The following FREM2 variants were observed in gnomAD, a reference collection of about 807,000 sequenced individuals.
FREM2 encodes the protein FRAS1-related extracellular matrix protein 2.
Under a neutral mutation model 219.9 loss-of-function variants are expected in FREM2, and 119 were observed. That is an observed-to-expected ratio of 0.54 (90% CI 0.47 to 0.63). The LOEUF (loss-of-function observed/expected upper bound fraction) is 0.63. Among genes scored for constraint, FREM2 ranks in the 30% least tolerant of loss-of-function variants. The pLI is 0.00. For missense variants in FREM2, 4,030 were observed against 3,993.6 expected (o/e 1.01, Z -0.25); for synonymous variants, 1,562 against 1,522.8 (o/e 1.03, Z -0.60).
At chr13:38,785,989 A>G (rs1007043640) in intron 6 of FREM2, among the ~76,000 whole-genome samples, 1 of 152,228 alleles carries the variant, frequency 6.6e-6, no homozygotes, top group Admixed American at 6.5e-5. Flanking sequence ...TTAGACACAT[A>G]TAAAATATAG....
intron 2 of FREM2, among the ~76,000 whole-genome samples, chr13:38,723,897 C>T (rs1871401747): frequency 6.6e-6 from 1 of 152,166 alleles, no homozygotes; most frequent in African/African-American, 2.4e-5. Context: ...GGTTAGGAAA[C>T]AGTCACAGCT....
At chr13:38,804,913 A>G (rs1196435141) in intron 6 of FREM2, among the ~76,000 whole-genome samples, 1 of 152,174 alleles carries the variant, frequency 6.6e-6, no homozygotes. Context: ...TTTCCAGCCA[A>G]TAATTCCTGA....
chr13:38,768,032 GTC>G (rs1348885750), intron 3 of FREM2, among the ~76,000 whole-genome samples: 2 of 152,070 alleles, frequency 1.3e-5, no homozygotes, highest in African/African-American at 4.8e-5. Context: ...AAGAGTTTTT[GTC>G]TGTTTTGTTC....
chr13:38,765,006 G>T (rs9548448), intron 3 of FREM2, among the ~76,000 whole-genome samples: 2 of 151,866 alleles, frequency 1.3e-5, no homozygotes, highest in South Asian at 4.1e-4. Flanking sequence ...CGCCTCCCAG[G>T]TTCACGCCAT....
At chr13:38,754,318 G>A (rs1057280020) in intron 2 of FREM2, among the ~76,000 whole-genome samples, 3 of 152,156 alleles carry the variant, frequency 2.0e-5, no homozygotes, top group Non-Finnish European at 4.4e-5. Flanking sequence ...AATGAGAGCT[G>A]ATAGTAGAGG....
At chr13:38,786,904 C>T (rs1874353736) in intron 6 of FREM2, among the ~76,000 whole-genome samples, 1 of 152,156 alleles carries the variant, frequency 6.6e-6, no homozygotes, top group South Asian at 2.1e-4. Context: ...TAGTATACAG[C>T]AAAGTCAGTA....
intron 1 of FREM2, among the ~76,000 whole-genome samples, chr13:38,696,780 A>G (rs1473753274): frequency 6.6e-6 from 1 of 152,036 alleles, no homozygotes; most frequent in African/African-American, 2.4e-5. Context: ...CTGAGGCAAT[A>G]TAACTTTCTG....
chr13:38,843,221 T>C (rs1238776055), intron 6 of FREM2, among the ~76,000 whole-genome samples: 2 of 152,166 alleles, frequency 1.3e-5, no homozygotes. Flanking sequence ...TTGATCATCC[T>C]CTTATTCTAA....
At chr13:38,844,811 G>A (rs138440713) in intron 6 of FREM2, among the ~76,000 whole-genome samples, 8 of 152,278 alleles carry the variant, frequency 5.3e-5, no homozygotes, top group Non-Finnish European at 1.2e-4. Flanking sequence ...TGATAGTTAC[G>A]GAAGCCTTTT....
chr13:38,767,609 G>T (rs780128371), intron 3 of FREM2, among the ~76,000 whole-genome samples: 2 of 152,242 alleles, frequency 1.3e-5, no homozygotes, highest in Non-Finnish European at 2.9e-5. Flanking sequence ...ACTGGGGATA[G>T]ATGGGTCAGT....
chr13:38,873,863 A>C (rs1455742402), intron 17 of FREM2, among the ~76,000 whole-genome samples: 1 of 152,158 alleles, frequency 6.6e-6, no homozygotes, highest in African/African-American at 2.4e-5. Context: ...TTTCTATTTT[A>C]GAGCTATGTG....
intron 5 of FREM2, 33 bp from the exon 6 acceptor site, chr13:38,784,524 C>T: frequency 6.2e-7 from 1 of 1,611,958 alleles, no homozygotes; most frequent in Non-Finnish European, 8.5e-7. Flanking sequence ...TTATGTTCTA[C>T]ATAAAAATCT....
At chr13:38,754,980 G>A (rs1396095288) in intron 2 of FREM2, among the ~76,000 whole-genome samples, 2 of 151,422 alleles carry the variant, frequency 1.3e-5, no homozygotes, top group Non-Finnish European at 2.9e-5. Context: ...TCAGCTCACT[G>A]CAACCTCTGC....
intron 2 of FREM2, among the ~76,000 whole-genome samples, chr13:38,724,086 C>T (rs1336403277): frequency 6.6e-6 from 1 of 152,172 alleles, no homozygotes; most frequent in Non-Finnish European, 1.5e-5. Flanking sequence ...TCAGGTGACC[C>T]AGCATATCCA....
At chr13:38,789,999 C>G (rs1874495214) in intron 6 of FREM2, among the ~76,000 whole-genome samples, 1 of 152,028 alleles carries the variant, frequency 6.6e-6, no homozygotes. Flanking sequence ...CCTATACAAT[C>G]CTAGTTCAGG....
rs201096621 is a variant in FREM2, at chr13:38,769,686, G to A, written c.5519G>A (p.Arg1840Gln). ...PGQTRATWRVRILSDGEHEQS... is the reference protein window; with the variant it reads ...PGQTRATWRVQILSDGEHEQS... Reference sequence around the variant, plus strand: ...CAGACCAGGGCCACATGGCGAGTGCGGATCCTGAGTGATGGGGAGCATGAG... The same window carrying A: ...CAGACCAGGGCCACATGGCGAGTGCAGATCCTGAGTGATGGGGAGCATGAG... The change falls in exon 4 of 24, where the codon CGG (arginine) becomes CAG (glutamine). Residue 1840 changes from arginine to glutamine, a missense_variant. Physicochemically the swap from Arg to Gln is conservative, Grantham distance 43. Around this residue, in one of 2 missense-constraint regions of FREM2, gnomAD observed 3,102 missense variants for 2,950.7 expected, o/e 1.05. Transcript: ENST00000280481. 1.8e-5 allele frequency: 29 copies of A among 1,614,098 alleles called. No homozygotes were observed. The highest frequency in any genetic ancestry group is 1.0e-4 in the Admixed American group (6 of 60,018).
At chr13:38,830,621 GCT>G (rs139424910) in intron 6 of FREM2, among the ~76,000 whole-genome samples, 1,635 of 152,284 alleles carry the variant, frequency 0.011, 39 homozygotes, top group African/African-American at 0.036. Flanking sequence ...GCAAAACCTG[GCT>G]CTCACCTTAA....
chr13:38,821,585 T>C (rs1370761620), intron 6 of FREM2: 1 of 152,116 alleles, frequency 6.6e-6, no homozygotes, highest in Non-Finnish European at 1.5e-5. Flanking sequence ...CTTTTTTCTG[T>C]CTCTCTGAAA....
chr13:38,861,946 C>G (rs1877776761), intron 15 of FREM2, among the ~76,000 whole-genome samples: 1 of 152,098 alleles, frequency 6.6e-6, no homozygotes, highest in Non-Finnish European at 1.5e-5. Context: ...TTATGTCTCT[C>G]TCAATATTTA....
Sources: gnomAD v4.1 joint callset for allele counts (sites outside exome capture counted in the v4.1 genomes callset) on GRCh38, gnomAD v4.1.1 for gene constraint, gnomAD v4.1.1 regional missense constraint, MANE v1.5 for transcripts, NCBI Gene and HGNC (gene_info 2026-07-23, HGNC 2026-07-21) for gene names.